Variants in SLC8A3 observed in about 807,000 individuals in gnomAD.
SLC8A3 encodes the protein solute carrier family 8 member A3.
A neutral mutation model predicts 65.4 loss-of-function variants in SLC8A3; 37 were observed. That is an observed-to-expected ratio of 0.57 (90% CI 0.44 to 0.74). The LOEUF is 0.74. Among genes scored for constraint, SLC8A3 ranks in the 30% least tolerant of loss-of-function variants. The pLI, the probability that SLC8A3 is intolerant of heterozygous loss-of-function variation, is 0.00. For missense variants in SLC8A3, 1,112 were observed against 1,172.1 expected (o/e 0.95, Z 0.75); for synonymous variants, 461 against 444.5 (o/e 1.04, Z -0.47).
At chr14:70,094,927 C>G (rs1304598090) in intron 2 of SLC8A3, among the ~76,000 whole-genome samples, 1 of 152,206 alleles carries the variant, frequency 6.6e-6, no homozygotes, top group Admixed American at 6.5e-5. Flanking sequence ...CAGACAGCAG[C>G]AGTATTGCAA....
intron 1 of SLC8A3, among the ~76,000 whole-genome samples, chr14:70,171,778 C>A (rs1897555413): frequency 6.6e-6 from 1 of 151,974 alleles, no homozygotes; most frequent in Admixed American, 6.5e-5. Context: ...CCCACCCGGG[C>A]AACAAGAGTG....
At chr14:70,143,711 G>T (rs1895719902) in intron 2 of SLC8A3, among the ~76,000 whole-genome samples, 1 of 152,144 alleles carries the variant, frequency 6.6e-6, no homozygotes, top group South Asian at 2.1e-4. Context: ...GTTTGGTTGT[G>T]CACCCATTGC....
In SLC8A3 at chr14:70,167,284, G is replaced by T; in HGVS notation, c.1139C>A (p.Ala380Asp). The change falls in exon 2 of 7, where the codon GCC (alanine) becomes GAC (aspartate). Residue 380 changes from alanine to aspartate, a missense_variant. Coordinates refer to ENST00000356921, the MANE Select transcript of SLC8A3 (RefSeq NM_182932.3). ...GGTGTGCACCTCGCTCATGCTGGAG[G>T]CCTTCTTGGCTTGTTCTGCTGCATG... is the stretch of plus-strand genomic sequence containing the variant. ...KKHAAEQAKK[A>D]SSMSEVHTDE... 6.2e-7 allele frequency: 1 copy of T among 1,614,166 alleles called. No homozygotes were observed. Among genetic ancestry groups the T allele is most frequent in the South Asian group, 1.1e-5 (1 of 91,078 alleles).
At position 70,110,254 on chromosome 14, in the gene SLC8A3, A is replaced by G. The variant is rs181951009; in HGVS notation, c.1785-49315T>C. ...AGCTACGTTATTATTTACTATAGTC[A>G]CCCTGATGTGCTATCAAATAGTAGG... On this transcript the variant is annotated intron_variant, in intron 2 of 6. Coordinates refer to ENST00000356921, the MANE Select transcript of SLC8A3 (RefSeq NM_182932.3). Among the ~76,000 whole-genome samples the G allele has an allele frequency of 4.6e-3, 702 of 152,152 alleles. 2 individuals are homozygous for G. Among genetic ancestry groups the G allele is most frequent in the Non-Finnish European group, 6.8e-3 (461 of 67,996 alleles).
At chr14:70,177,019 T>C (rs896701952) in intron 1 of SLC8A3, among the ~76,000 whole-genome samples, 2 of 152,244 alleles carry the variant, frequency 1.3e-5, no homozygotes, top group Non-Finnish European at 2.9e-5. Context: ...AGCTTATGTG[T>C]CACAGGCTGA....
Position 70,051,090 on chromosome 14 carries a change from C to G in SLC8A3, c.2031G>C (p.Leu677=). 1.9e-6 allele frequency: 3 copies of G among 1,612,980 alleles called. No homozygotes were observed. The highest frequency in any genetic ancestry group is 2.5e-6 in the Non-Finnish European group (3 of 1,179,096). The change falls in exon 5 of 7, where the codon CTG becomes CTC. Residue 677 remains leucine (L), a synonymous_variant. Coordinates refer to ENST00000356921, the MANE Select transcript of SLC8A3 (RefSeq NM_182932.3). ...SYEFKTTVDK[L]IKKTNLALVV... Reference sequence around the variant, plus strand: ...CCAAGGCCAGGTTTGTCTTCTTGATCAGTTTGTCCACCGTAGTCTGTTAAG... The same window carrying G: ...CCAAGGCCAGGTTTGTCTTCTTGATGAGTTTGTCCACCGTAGTCTGTTAAG...
Position 70,170,805 on chromosome 14 carries a change from C to T in SLC8A3, c.-62-2321G>A, listed in dbSNP as rs750574070. 2.0e-5 allele frequency among the ~76,000 whole-genome samples: 3 copies of T among 152,158 alleles called. No individual in the cohort carries two copies. The South Asian group carries it at 6.2e-4, about 32-fold the overall frequency. On this transcript the variant is annotated intron_variant, in intron 1 of 6. Coordinates refer to ENST00000356921, the MANE Select transcript of SLC8A3 (RefSeq NM_182932.3). ...CTTGGTTTAATCCCTAGAGTGGCAG[C>T]CAAGTTCTGAAGCCCACATTCTCCA...
chr14:70,091,774 C>A (rs1891820537), intron 2 of SLC8A3, among the ~76,000 whole-genome samples: 1 of 152,128 alleles, frequency 6.6e-6, no homozygotes, highest in African/African-American at 2.4e-5. Flanking sequence ...AGAAGTGTGA[C>A]CTGCAGGATA....
chr14:70,069,333 CT>C (rs368152584), intron 2 of SLC8A3, among the ~76,000 whole-genome samples: 117 of 152,320 alleles, frequency 7.7e-4, no homozygotes, highest in African/African-American at 2.8e-3. Context: ...GAAATAATCT[CT>C]GAGTACAGGC....
At chr14:70,135,204 C>T (rs1022028328) in intron 2 of SLC8A3, among the ~76,000 whole-genome samples, 2 of 152,182 alleles carry the variant, frequency 1.3e-5, no homozygotes, top group East Asian at 1.9e-4. Context: ...CATCTTACCC[C>T]AGTCAGAATG....
At chr14:70,174,659 T>TG (rs1897766851) in intron 1 of SLC8A3, among the ~76,000 whole-genome samples, 3 of 47,888 alleles carry the variant, frequency 6.3e-5, no homozygotes, top group Non-Finnish European at 1.0e-4. Context: ...CCGTTTTTTT[T>TG]TTGTTTTTTT....
intron 2 of SLC8A3, among the ~76,000 whole-genome samples, chr14:70,121,236 C>T (rs767701735): frequency 6.6e-6 from 1 of 152,114 alleles, no homozygotes; most frequent in Non-Finnish European, 1.5e-5. Context: ...GGTCCAGGCT[C>T]CCTACGCCAG....
At position 70,158,181 on chromosome 14, in the gene SLC8A3, A is replaced by G. The variant is rs76422133; in HGVS notation, c.1784+8458T>C. ...AAAGAATGTTTAGAAGAGACAGCAAATGTAAGAAAATAGTGTACAAACATG... is the reference window on the plus strand; with the variant it reads ...AAAGAATGTTTAGAAGAGACAGCAAGTGTAAGAAAATAGTGTACAAACATG... On this transcript the variant is annotated intron_variant, in intron 2 of 6. Transcript: ENST00000356921. 1.7e-3 allele frequency among the ~76,000 whole-genome samples: 264 copies of G among 152,324 alleles called. 3 individuals carry two copies. Among genetic ancestry groups the G allele is most frequent in the East Asian group, 0.01 (54 of 5,186 alleles).
chr14:70,064,568 T>C (rs1445585544), intron 2 of SLC8A3, among the ~76,000 whole-genome samples: 1 of 150,902 alleles, frequency 6.6e-6, no homozygotes, highest in Admixed American at 6.6e-5. Flanking sequence ...GCGGGGATGC[T>C]GGGGGGAAAT....
At chr14:70,093,694 C>T (rs2140072170) in intron 2 of SLC8A3, among the ~76,000 whole-genome samples, 1 of 152,292 alleles carries the variant, frequency 6.6e-6, no homozygotes, top group East Asian at 1.9e-4. Context: ...GTGAGCCTTC[C>T]CAATTCTGAT....
At chr14:70,094,855 C>T (rs1892047012) in intron 2 of SLC8A3, among the ~76,000 whole-genome samples, 1 of 152,220 alleles carries the variant, frequency 6.6e-6, no homozygotes, top group South Asian at 2.1e-4. Context: ...TCTGTTTTTC[C>T]TCATACAGTA....
intron 1 of SLC8A3, among the ~76,000 whole-genome samples, chr14:70,185,535 T>C (rs1360897659): frequency 6.6e-6 from 1 of 152,222 alleles, no homozygotes; most frequent in Non-Finnish European, 1.5e-5. Flanking sequence ...GGGAATAGTT[T>C]TAACAGGGTC....
chr14:70,145,146 A>G (rs577034734), intron 2 of SLC8A3, among the ~76,000 whole-genome samples: 3 of 152,238 alleles, frequency 2.0e-5, no homozygotes, highest in Non-Finnish European at 4.4e-5. Context: ...TTATTATAAG[A>G]TGTGGTTCAT....
intron 2 of SLC8A3, among the ~76,000 whole-genome samples, chr14:70,066,956 T>C (rs1401985648): frequency 1.3e-5 from 2 of 152,214 alleles, no homozygotes; most frequent in Non-Finnish European, 2.9e-5. Flanking sequence ...GGGTTAACTA[T>C]TAAAAATGCA....
Sources: gnomAD v4.1 joint callset for allele counts (sites outside exome capture counted in the v4.1 genomes callset) on GRCh38, gnomAD v4.1.1 for gene constraint, MANE v1.5 for transcripts, NCBI Gene and HGNC (gene_info 2026-07-23, HGNC 2026-07-21) for gene names.